ATG5: variants seen among roughly 807,000 people sequenced by gnomAD.
ATG5 encodes the protein autophagy protein 5.
Under a neutral mutation model 36.5 loss-of-function variants are expected in ATG5, and 14 were observed. That is an observed-to-expected ratio of 0.38 (90% confidence interval 0.25 to 0.60). The LOEUF (loss-of-function observed/expected upper bound fraction) is 0.60, where lower values mean the gene tolerates loss of function less well. ATG5 is among the 20% of genes least tolerant of loss of function. The probability of loss-of-function intolerance (pLI) is 0.60; values close to 1 mark genes in which losing one functional copy is unlikely to be tolerated. For synonymous variants in ATG5, 95 were observed against 101.5 expected, an observed-to-expected ratio of 0.94 and a Z score of 0.38; for missense variants, 195 against 326.7, an observed-to-expected ratio of 0.60 and a Z score of 3.11.
chr6:106,218,495 T>C (rs1414609433), intron 6 of ATG5, among the ~76,000 whole-genome samples: 1 of 152,118 alleles, frequency 6.6e-6, no homozygotes, highest in Non-Finnish European at 1.5e-5. Context: ...GGCATGTAGG[T>C]AAAAAGGACT....
intron 6 of ATG5, among the ~76,000 whole-genome samples, chr6:106,202,915 G>C (rs532968217): frequency 6.6e-6 from 1 of 152,106 alleles, no homozygotes; most frequent in African/African-American, 2.4e-5. Context: ...TGCCGGCTTC[G>C]GCCTCCCAGA....
chr6:106,251,778 A>G (rs1778601268), intron 5 of ATG5, among the ~76,000 whole-genome samples: 1 of 151,518 alleles, frequency 6.6e-6, no homozygotes, highest in Non-Finnish European at 1.5e-5. Flanking sequence ...AAGAAAAGAA[A>G]AGGAGGAGAG....
intron 5 of ATG5, among the ~76,000 whole-genome samples, chr6:106,265,942 GAAGC>G (rs1779211430): frequency 6.6e-6 from 1 of 151,548 alleles, no homozygotes; most frequent in South Asian, 2.1e-4. Context: ...AAGAATTAGA[GAAGC>G]AAGAGCAAAC....
At position 106,285,994 on chromosome 6, in the gene ATG5, T is replaced by G. The variant is rs548163538; in HGVS notation, c.316-6171A>C. The stretch of plus-strand genomic sequence containing the variant: ...TAGCCAGATGTCTCTCCACTTTGAA[T>G]GAGCTGGAATCCAACATTTCCCAGC... On this transcript the variant is annotated intron_variant, in intron 4 of 7. Coordinates refer to ENST00000369076, the MANE Select transcript of ATG5 (RefSeq NM_004849.4). Among the ~76,000 whole-genome samples, 3 of 151,444 alleles carry G rather than the reference T, an allele frequency of 2.0e-5. No individual in the cohort carries two copies. The East Asian group carries it at 5.8e-4, about 29-fold the overall frequency.
chr6:106,216,983 T>C (rs1204977252), intron 6 of ATG5, among the ~76,000 whole-genome samples: 4 of 152,024 alleles, frequency 2.6e-5, no homozygotes, highest in Non-Finnish European at 5.9e-5. Flanking sequence ...AGTTATCATA[T>C]GGGTGGCAGG....
At chr6:106,281,317 A>G (rs1779868749) in intron 4 of ATG5, among the ~76,000 whole-genome samples, 2 of 152,184 alleles carry the variant, frequency 1.3e-5, no homozygotes, top group South Asian at 2.1e-4. Flanking sequence ...ATCACCCACA[A>G]AAGTTCCTCT....
At chr6:106,263,077 C>A (rs1779091113) in intron 5 of ATG5, among the ~76,000 whole-genome samples, 1 of 152,238 alleles carries the variant, frequency 6.6e-6, no homozygotes. Context: ...CGGAGCCCAG[C>A]AAGCTAAGAA....
chr6:106,270,326 T>C (rs1168607693), intron 5 of ATG5, among the ~76,000 whole-genome samples: 1 of 152,238 alleles, frequency 6.6e-6, no homozygotes, highest in Non-Finnish European at 1.5e-5. Context: ...GGTTACAAAT[T>C]TGCTTTAAGC....
rs903234655 is a variant in ATG5, at chr6:106,186,333, A to G, written c.*207T>C. ...TCTTTCATGTCACAGCTGAGGTTTA[A>G]TGATGGCAGTGGAGGAAAGCAGAGG... On this transcript the variant is annotated 3_prime_UTR_variant, in exon 8 of 8. Transcript: ENST00000369076. 1.9e-6 allele frequency: 1 copy of G among 528,394 alleles called. No individual in the cohort carries two copies. Among genetic ancestry groups the G allele is most frequent in the Non-Finnish European group, 3.3e-6 (1 of 302,598 alleles). The allele number at this position is 528,394 out of a possible 1,614,324, so 32.7% of individuals were successfully genotyped here. A position where few individuals can be genotyped will look rare whatever the true frequency, so the allele number is the denominator to read the frequency against.
At chr6:106,271,486 G>T (rs958021058) in intron 5 of ATG5, 11 of 152,274 alleles carry the variant, frequency 7.2e-5, no homozygotes, top group African/African-American at 2.2e-4. Context: ...ATCAGACACT[G>T]AATTGCAGGC....
At chr6:106,295,372 C>T (rs1471185378) in intron 3 of ATG5, among the ~76,000 whole-genome samples, 2 of 152,104 alleles carry the variant, frequency 1.3e-5, no homozygotes, top group African/African-American at 2.4e-5. Flanking sequence ...GCACTGAAAA[C>T]ACAAAGAACT....
intron 6 of ATG5, 115 bp downstream of exon 6, chr6:106,248,034 AC>A: frequency 1.4e-6 from 1 of 710,230 alleles, no homozygotes; most frequent in Non-Finnish European, 2.3e-6. Context: ...AGTTTGGAAA[AC>A]CCCTAATAAA....
intron 5 of ATG5, among the ~76,000 whole-genome samples, chr6:106,269,344 A>C (rs1779350992): frequency 6.6e-6 from 1 of 152,222 alleles, no homozygotes; most frequent in African/African-American, 2.4e-5. Context: ...CAGACTCAGG[A>C]GCCCAGCTGG....
chr6:106,212,888 A>G (rs1776910792), intron 6 of ATG5, among the ~76,000 whole-genome samples: 1 of 152,242 alleles, frequency 6.6e-6, no homozygotes, highest in African/African-American at 2.4e-5. Context: ...ATGGTACATT[A>G]CTTTAGAGAA....
At chr6:106,240,243 TATC>T (rs1262940362) in intron 6 of ATG5, among the ~76,000 whole-genome samples, 6 of 150,962 alleles carry the variant, frequency 4.0e-5, no homozygotes, top group African/African-American at 7.3e-5. Flanking sequence ...TTTATATAGA[TATC>T]ATAAAAATCA....
At chr6:106,264,802 T>C (rs905214726) in intron 5 of ATG5, among the ~76,000 whole-genome samples, 6 of 152,178 alleles carry the variant, frequency 3.9e-5, no homozygotes, top group African/African-American at 1.4e-4. Flanking sequence ...CTAAGGGATT[T>C]TGTCATCACC....
At chr6:106,245,129 T>C (rs562953861) in intron 6 of ATG5, among the ~76,000 whole-genome samples, 1 of 152,350 alleles carries the variant, frequency 6.6e-6, no homozygotes, top group Non-Finnish European at 1.5e-5. Context: ...TAAACTGTTA[T>C]GTAAATGACA....
At chr6:106,200,714 T>G (rs961483419) in intron 7 of ATG5, among the ~76,000 whole-genome samples, 2 of 152,166 alleles carry the variant, frequency 1.3e-5, no homozygotes, top group Non-Finnish European at 2.9e-5. Flanking sequence ...TCTCCTGACC[T>G]CGTGATCCAC....
rs776190821 is a variant in ATG5 at position 106,202,097 on chromosome 6, A to G, written c.574-8T>C. ...AGGTCTTTCAGTCGTTGTCTATTTG[A>G]AAAAGGAAAAAATGATTCAAGCAAT... is the stretch of plus-strand genomic sequence containing the variant. On this transcript the variant is annotated splice_region_variant and splice_polypyrimidine_tract_variant and intron_variant, in intron 6 of 7. Transcript: ENST00000369076. 1 of 1,605,878 alleles carries G rather than the reference A, an allele frequency of 6.2e-7. No homozygotes were observed. The highest frequency in any genetic ancestry group is 2.2e-5 in the East Asian group (1 of 44,806).
Sources: allele counts gnomAD v4.1 joint callset (sites outside exome capture counted in the v4.1 genomes callset), GRCh38; gene constraint gnomAD v4.1.1; transcripts MANE v1.5; gene names NCBI Gene and HGNC (gene_info 2026-07-23, HGNC 2026-07-21).